The following CTDSPL variants were observed in gnomAD, a reference collection of about 807,000 sequenced individuals.
CTDSPL encodes the protein CTD small phosphatase like.
CTDSPL carries 8 observed loss-of-function variants against 30.5 expected under a neutral mutation model. That is an observed-to-expected ratio of 0.26 (90% CI 0.15 to 0.47). The LOEUF (loss-of-function observed/expected upper bound fraction) is 0.47, where lower values mean the gene tolerates loss of function less well. Ranked by LOEUF, CTDSPL falls within the 20% of genes least tolerant of loss-of-function variation. CTDSPL has a pLI of 0.99. For missense variants in CTDSPL, 248 were observed against 366.1 expected, an observed-to-expected ratio of 0.68 and a Z score of 2.63; for synonymous variants, 110 against 137.9, an observed-to-expected ratio of 0.80 and a Z score of 1.42.
intron 1 of CTDSPL, among the ~76,000 whole-genome samples, chr3:37,930,529 C>T (rs1259468545): frequency 6.6e-5 from 10 of 152,088 alleles, no homozygotes; most frequent in African/African-American, 1.9e-4. Context: ...GGCTTGGTCT[C>T]GAACTCTGGG....
rs1270769959 is a variant in CTDSPL, at chr3:37,984,176, A to G, written c.*3309A>G. 2.2e-6 allele frequency: 1 copy of G among 455,974 alleles called. No individual in the cohort carries two copies. The highest frequency in any genetic ancestry group is 4.4e-6 in the Non-Finnish European group (1 of 226,472). The allele number at this position is 455,974 out of a possible 1,614,324, so 28.2% of individuals were successfully genotyped here. On this transcript the variant is annotated 3_prime_UTR_variant, in exon 8 of 8. Coordinates refer to ENST00000273179, the MANE Select transcript of CTDSPL (RefSeq NM_001008392.2). Reference sequence around the variant, plus strand: ...TGACGTACTTGCAGTTAACTGTGCAAAATTGGCTGGCTGCCTCTGTTCCTA... The same window carrying G: ...TGACGTACTTGCAGTTAACTGTGCAGAATTGGCTGGCTGCCTCTGTTCCTA...
rs376122681 is a variant in CTDSPL, at chr3:37,975,816, T to C, written c.627T>C (p.Ser209=). ...FHRGNYVKDL[S]RLGRELSKVI... is the part of the protein sequence containing the mutation. ...GTGGGAACTACGTGAAGGACCTGAG[T>C]CGCCTTGGGCGGGAGCTGAGCAAAG... Residue 209 remains serine (S), a synonymous_variant, in exon 7 of 8, where the codon AGT becomes AGC. Transcript: ENST00000273179. The surrounding 1 kb of genome is among the most constrained non-coding windows in gnomAD (Gnocchi z 4.9). The C allele has an allele frequency of 1.5e-5, 25 of 1,613,998 alleles. No individual in the cohort carries two copies. The Middle Eastern group carries it at 6.6e-4, about 42-fold the overall frequency.
chr3:37,870,615 C>A (rs934547391), intron 1 of CTDSPL, among the ~76,000 whole-genome samples: 4 of 151,828 alleles, frequency 2.6e-5, no homozygotes, highest in Admixed American at 2.0e-4. Flanking sequence ...GTTTATTTTG[C>A]TCTTCTTTTT....
intron 1 of CTDSPL, among the ~76,000 whole-genome samples, chr3:37,934,925 G>A (rs1698897574): frequency 6.6e-6 from 1 of 152,028 alleles, no homozygotes; most frequent in Non-Finnish European, 1.5e-5. Flanking sequence ...GAACAAGATA[G>A]GTAAGGTCCC....
At chr3:37,963,414 G>A (rs1372458411) in intron 3 of CTDSPL, among the ~76,000 whole-genome samples, 2 of 152,128 alleles carry the variant, frequency 1.3e-5, no homozygotes, top group Non-Finnish European at 2.9e-5. Flanking sequence ...AATAAAAAGA[G>A]GAAAGAGCCA....
At chr3:37,885,768 A>G (rs952695916) in intron 1 of CTDSPL, among the ~76,000 whole-genome samples, 5 of 151,604 alleles carry the variant, frequency 3.3e-5, no homozygotes, top group African/African-American at 1.2e-4. Context: ...TAGGTTCTGA[A>G]GAGAGACAGA....
intron 1 of CTDSPL, among the ~76,000 whole-genome samples, chr3:37,925,711 A>G (rs1359986542): frequency 2.0e-5 from 3 of 152,316 alleles, no homozygotes; most frequent in Admixed American, 6.5e-5. Flanking sequence ...AGCAGAAGGG[A>G]TGCTTGTTGG....
chr3:37,968,581 A>G (rs1484624168), intron 5 of CTDSPL: 3 of 224,254 alleles, frequency 1.3e-5, no homozygotes, highest in African/African-American at 7.0e-5. Context: ...TTCCACAGGG[A>G]TGATCTAACC....
At chr3:37,910,897 C>T (rs778928229) in intron 1 of CTDSPL, among the ~76,000 whole-genome samples, 1 of 152,070 alleles carries the variant, frequency 6.6e-6, no homozygotes, top group African/African-American at 2.4e-5. Context: ...GAGGTAAGAC[C>T]CTGGGTTACA....
intron 2 of CTDSPL, among the ~76,000 whole-genome samples, chr3:37,949,916 G>A (rs746957291): frequency 1.3e-5 from 2 of 152,216 alleles, no homozygotes; most frequent in Non-Finnish European, 2.9e-5. Context: ...CTGGTACTCA[G>A]TAAGAAGCAG....
At chr3:37,956,966 G>T in intron 2 of CTDSPL, 145 bp from the exon 3 acceptor site, 1 of 728,762 alleles carries the variant, frequency 1.4e-6, no homozygotes. Context: ...AAAATTTTCA[G>T]GTTCCTCCTG....
chr3:37,975,561 A>T lies in CTDSPL; in HGVS notation c.520-148A>T. ...GGAAGAATCCAGTGCCATCTTATGT[A>T]CACGGAGAGGAAAATAACCAGGATC... On this transcript the variant is annotated intron_variant, in intron 6 of 7. Transcript: ENST00000273179. This position sits in a 1 kb window ranked among gnomAD's most constrained non-coding sequence, Gnocchi z 4.9. 1.5e-6 allele frequency: 1 copy of T among 652,946 alleles called. No individual in the cohort carries two copies. The highest frequency in any genetic ancestry group is 2.6e-6 in the Non-Finnish European group (1 of 391,630). 40.4% of individuals were successfully genotyped at this position (652,946 alleles called of 1,614,324 possible).
chr3:37,940,385 AAG>A (rs1698964490), intron 1 of CTDSPL, among the ~76,000 whole-genome samples: 1 of 150,488 alleles, frequency 6.6e-6, no homozygotes, highest in African/African-American at 2.4e-5. Flanking sequence ...TTAGGAGCAA[AAG>A]AGAATTTGTT....
intron 1 of CTDSPL, among the ~76,000 whole-genome samples, chr3:37,865,431 A>G (rs1358236311): frequency 6.6e-6 from 1 of 152,254 alleles, no homozygotes; most frequent in African/African-American, 2.4e-5. Context: ...ATGACTGCCA[A>G]TGTTCAAAGT....
At chr3:37,864,730 A>C (rs1697989493) in intron 1 of CTDSPL, among the ~76,000 whole-genome samples, 1 of 151,878 alleles carries the variant, frequency 6.6e-6, no homozygotes, top group South Asian at 2.1e-4. Flanking sequence ...TATGTAAAAT[A>C]CATTTTTACA....
intron 5 of CTDSPL, chr3:37,968,487 G>A (rs79837040): frequency 0.016 from 3,843 of 239,306 alleles, 56 homozygotes; most frequent in Non-Finnish European, 0.025. Flanking sequence ...AGCTCTTCCG[G>A]AAATAACTTC....
At chr3:37,890,839 G>A (rs974125091) in intron 1 of CTDSPL, among the ~76,000 whole-genome samples, 1 of 152,166 alleles carries the variant, frequency 6.6e-6, no homozygotes, top group African/African-American at 2.4e-5. Context: ...CCTAATAACA[G>A]GAAGGGAGGA....
At chr3:37,881,790 G>A (rs1184233182) in intron 1 of CTDSPL, among the ~76,000 whole-genome samples, 2 of 152,106 alleles carry the variant, frequency 1.3e-5, no homozygotes, top group Admixed American at 6.5e-5. Flanking sequence ...AAATGTTTAC[G>A]CATGGTGAAT....
At chr3:37,903,959 G>C (rs1342141946) in intron 1 of CTDSPL, among the ~76,000 whole-genome samples, 1 of 152,210 alleles carries the variant, frequency 6.6e-6, no homozygotes, top group Admixed American at 6.5e-5. Flanking sequence ...TCATGCAGTG[G>C]CTATTACAGT....
Sources: allele counts gnomAD v4.1 joint callset (sites outside exome capture counted in the v4.1 genomes callset), GRCh38; gene constraint gnomAD v4.1.1; non-coding constraint Gnocchi (gnomAD v3.1); transcripts MANE v1.5; gene names NCBI Gene and HGNC (gene_info 2026-07-23, HGNC 2026-07-21).